Variants in SCN9A observed in about 807,000 individuals in gnomAD.
The protein encoded by SCN9A is sodium channel protein type 9 subunit alpha.
A neutral mutation model predicts 187.0 loss-of-function variants in SCN9A; 131 were observed. That is an observed-to-expected ratio of 0.70 (90% CI 0.61 to 0.81). The LOEUF (loss-of-function observed/expected upper bound fraction) is 0.81. Among genes scored for constraint, SCN9A ranks in the 30% least tolerant of loss-of-function variants. The pLI, the probability that SCN9A is intolerant of heterozygous loss-of-function variation, is 0.00. For missense variants in SCN9A, 2,252 were observed against 2,396.6 expected (o/e 0.94, Z 1.26); for synonymous variants, 809 against 808.6 (o/e 1.00, Z -0.01).
chr2:166,288,039 A>G (rs1242831824), intron 10 of SCN9A, among the ~76,000 whole-genome samples: 1 of 146,700 alleles, frequency 6.8e-6, no homozygotes, highest in Non-Finnish European at 1.5e-5. Context: ...CAATTATTCT[A>G]AAAGATTTTT....
chr2:166,297,656 T>C (rs1249662709), intron 7 of SCN9A, among the ~76,000 whole-genome samples: 1 of 151,500 alleles, frequency 6.6e-6, no homozygotes, highest in Non-Finnish European at 1.5e-5. Flanking sequence ...GGTTTCTTGG[T>C]GGGAAAGATG....
chr2:166,313,064 T>TTC (rs1699016116), intron 1 of SCN9A, among the ~76,000 whole-genome samples: 1 of 148,770 alleles, frequency 6.7e-6, no homozygotes, highest in African/African-American at 2.4e-5. Flanking sequence ...TATAATTATT[T>TTC]AATTTTCTGA....
At chr2:166,298,295 T>A (rs77684099) in intron 7 of SCN9A, among the ~76,000 whole-genome samples, 2,458 of 152,290 alleles carry the variant, frequency 0.016, 70 homozygotes, top group African/African-American at 0.057. Context: ...GAAGAGAATA[T>A]CCTGTTTTAG....
intron 2 of SCN9A, among the ~76,000 whole-genome samples, 170 bp downstream of exon 2, chr2:166,311,329 C>CATATATAT (rs1559034298): frequency 0.028 from 1,351 of 47,874 alleles, 375 homozygotes; most frequent in Non-Finnish European, 0.034. Context: ...TTCTGAATAT[C>CATATATAT]CTATATATAT....
intron 26 of SCN9A, among the ~76,000 whole-genome samples, chr2:166,200,335 A>G (rs1574696408): frequency 1.3e-5 from 2 of 152,098 alleles, no homozygotes; most frequent in African/African-American, 4.8e-5. Flanking sequence ...TACTTAAAAA[A>G]GGATTAAGAA....
chr2:166,364,390 C>T (rs756588238), intron 1 of SCN9A, among the ~76,000 whole-genome samples: 26 of 152,110 alleles, frequency 1.7e-4, no homozygotes, highest in Admixed American at 3.3e-4. Context: ...ATGTTCATAG[C>T]AGCACTAATC....
rs1558960803 is a variant in SCN9A, at chr2:166,222,941, ACAAC to A, written c.4398+3622_4398+3625del. On this transcript the variant is annotated intron_variant, in intron 24 of 26. Coordinates refer to ENST00000642356, the MANE Select transcript of SCN9A (RefSeq NM_001365536.1). ...GCGAAACTCCGTCTCAAAAAAAAAA[ACAAC>A]AAAAAAAAAAAAAAAAAAAAAAAAA... 2.7e-3 allele frequency among the ~76,000 whole-genome samples: 258 copies of A among 96,350 alleles called. 28 individuals carry two copies. The highest frequency in any genetic ancestry group is 9.1e-3 in the African/African-American group (196 of 21,522). The allele number at this position is 96,350 out of a possible 152,430, so 63.2% of individuals were successfully genotyped here.
chr2:166,346,137 A>G (rs1699895414), intron 1 of SCN9A, among the ~76,000 whole-genome samples: 1 of 152,182 alleles, frequency 6.6e-6, no homozygotes, highest in Non-Finnish European at 1.5e-5. Context: ...TCGTGAAAAG[A>G]GTAAACAAGC....
chr2:166,268,140 T>C (rs1418855343), intron 17 of SCN9A, among the ~76,000 whole-genome samples: 1 of 152,012 alleles, frequency 6.6e-6, no homozygotes, highest in Non-Finnish European at 1.5e-5. Flanking sequence ...AGCATTTGTC[T>C]AATTATTTAT....
intron 1 of SCN9A, among the ~76,000 whole-genome samples, chr2:166,363,961 T>C (rs1238403959): frequency 2.0e-5 from 3 of 151,940 alleles, no homozygotes; most frequent in African/African-American, 2.4e-5. Context: ...GGGATTAACA[T>C]TGGCAATATG....
intron 2 of SCN9A, among the ~76,000 whole-genome samples, chr2:166,308,640 C>T (rs762276860): frequency 3.3e-5 from 5 of 151,974 alleles, no homozygotes; most frequent in South Asian, 2.1e-4. Context: ...TGGACTAATA[C>T]GGCCGGGCGT....
intron 3 of SCN9A, 128 bp from the exon 4 acceptor site, chr2:166,306,727 C>T: frequency 1.3e-6 from 1 of 741,716 alleles, no homozygotes; most frequent in South Asian, 1.6e-5. Context: ...ACTATTTTGT[C>T]TCTTTGAACA....
chr2:166,303,330 A>G (rs1698641463), intron 6 of SCN9A, 28 bp from the exon 7 acceptor site: 1 of 1,573,550 alleles, frequency 6.4e-7, no homozygotes, highest in South Asian at 1.1e-5. Context: ...AAGTGTTTGT[A>G]ATGACATAAA....
intron 24 of SCN9A, among the ~76,000 whole-genome samples, chr2:166,222,945 C>CAAAAAAAAAAAAA (rs1309168684): frequency 0.012 from 537 of 44,934 alleles, 68 homozygotes; most frequent in South Asian, 0.015. Context: ...AAAAAAACAA[C>CAAAAAAAAAAAAA]AAAAAAAAAA....
In SCN9A at chr2:166,236,034, T is replaced by C. The variant is rs548233045; in HGVS notation, c.3801+2060A>G. ...TGTATTTGTGATAATATTTTAAAGA[T>C]TTTAAAATATCTAAAATATTGTATA... On this transcript the variant is annotated intron_variant, in intron 20 of 26. Coordinates refer to ENST00000642356, the MANE Select transcript of SCN9A (RefSeq NM_001365536.1). 3.0e-4 allele frequency among the ~76,000 whole-genome samples: 45 copies of C among 152,264 alleles called. No homozygotes were observed. The South Asian group carries it at 9.1e-3, about 31-fold the overall frequency.
intron 24 of SCN9A, among the ~76,000 whole-genome samples, chr2:166,213,760 C>A (rs1456308906): frequency 6.6e-6 from 1 of 152,088 alleles, no homozygotes; most frequent in East Asian, 1.9e-4. Context: ...AGGTTTATGA[C>A]TATTTTTTCT....
chr2:166,199,997 T>A (rs1200317773), intron 26 of SCN9A, 133 bp from the exon 27 acceptor site: 2 of 540,056 alleles, frequency 3.7e-6, no homozygotes, highest in African/African-American at 7.7e-5. Flanking sequence ...TTTTTTTTTT[T>A]TTTTTTTTTT....
intron 18 of SCN9A, among the ~76,000 whole-genome samples, chr2:166,244,222 T>G (rs1465336496): frequency 1.3e-5 from 2 of 152,040 alleles, no homozygotes; most frequent in Non-Finnish European, 2.9e-5. Flanking sequence ...GAATTCTTAG[T>G]AATAATTAGC....
intron 1 of SCN9A, among the ~76,000 whole-genome samples, chr2:166,361,866 T>C (rs1700294463): frequency 6.6e-6 from 1 of 152,044 alleles, no homozygotes; most frequent in African/African-American, 2.4e-5. Context: ...CAGCGGATGC[T>C]CCAGAACTTA....
Sources: allele counts gnomAD v4.1 joint callset (sites outside exome capture counted in the v4.1 genomes callset), GRCh38; gene constraint gnomAD v4.1.1; transcripts MANE v1.5; gene names NCBI Gene and HGNC (gene_info 2026-07-23, HGNC 2026-07-21).